The following PSMD13 variants were observed in gnomAD, a reference collection of about 807,000 sequenced individuals.
The protein encoded by PSMD13 is proteasome 26S subunit, non-ATPase 13.
A neutral mutation model predicts 57.4 loss-of-function variants in PSMD13; 8 were observed. The observed-to-expected ratio is 0.14, with a 90% CI of 0.08 to 0.25. PSMD13 has a LOEUF of 0.25. PSMD13 is among the 10% of genes least tolerant of loss of function. The pLI is 1.00. For missense variants in PSMD13, 400 were observed against 461.5 expected, an observed-to-expected ratio of 0.87 and a Z score of 1.22; for synonymous variants, 193 against 168.2, an observed-to-expected ratio of 1.15 and a Z score of -1.14.
Position 248,104 on chromosome 11 carries a change from A to C in PSMD13, c.568+656A>C, listed in dbSNP as rs368728602. The stretch of plus-strand genomic sequence containing the variant: ...CTGCTGCAGAATAAAGGGCACGTGA[A>C]ATCCCTGTAGCTGAGACCCTTGTTT... On this transcript the variant is annotated intron_variant, in intron 7 of 12. Transcript: ENST00000532097. The C allele has an allele frequency of 4.3e-3, 640 of 150,284 alleles. 49 individuals are homozygous for C. In the South Asian group the frequency reaches 0.13, roughly 30 times the overall value. 9.3% of individuals were successfully genotyped at this position (150,284 alleles called of 1,614,324 possible). A position where few individuals can be genotyped will look rare whatever the true frequency, so the allele number is the denominator to read the frequency against.
chr11:244,115 G>A (rs7128044), intron 3 of PSMD13, 40 bp downstream of exon 3: 1,192,256 of 1,542,030 alleles, frequency 0.77, 468,507 homozygotes, highest in African/African-American at 0.89. Flanking sequence ...GAAAATGAGT[G>A]CATTGATGCT....
rs750482552 is a variant in PSMD13, at chr11:247,445, C to A, written c.565C>A (p.Pro189Thr). The A allele has an allele frequency of 8.1e-6, 13 of 1,608,178 alleles. No homozygotes were observed. Among genetic ancestry groups the A allele is most frequent in the Non-Finnish European group, 1.1e-5 (13 of 1,176,518 alleles). ...FLGCVDIKDL[P>T]VSEQQERAFT... ...GGGCTGTGTTGACATCAAGGATCTACCAGGTAACCTAGGCCATTAAATCCA... is the reference window on the plus strand; with the variant it reads ...GGGCTGTGTTGACATCAAGGATCTAACAGGTAACCTAGGCCATTAAATCCA... Residue 189 changes from proline to threonine, a missense_variant, in exon 7 of 13, where the codon CCA becomes ACA. Pro to Thr is a conservative substitution (Grantham distance 38). Transcript: ENST00000532097.
In PSMD13 at chr11:248,937, G is replaced by A; in HGVS notation, c.654G>A (p.Met218Ile). 6.2e-7 allele frequency: 1 copy of A among 1,614,180 alleles called. No individual in the cohort carries two copies. The highest frequency in any genetic ancestry group is 8.5e-7 in the Non-Finnish European group (1 of 1,180,022). ...GACCATCTCCATCCTCACAGCTCAT[G>A]CACCCTGTGCTGGAGTCCCTGAGGA... ...EGVFNFGELL[M>I]HPVLESLRNT... is the part of the protein sequence containing the mutation. The change falls in exon 9 of 13, where the codon ATG becomes ATA. Residue 218 changes from methionine to isoleucine, a missense_variant. Physicochemically the swap from Met to Ile is conservative, Grantham distance 10. Coordinates refer to ENST00000532097, the MANE Select transcript of PSMD13 (RefSeq NM_002817.4).
rs1466502893 is a variant in PSMD13 at position 251,741 on chromosome 11, T to C, written c.919-79T>C. The C allele has an allele frequency of 1.3e-6, 2 of 1,537,826 alleles. No individual in the cohort carries two copies. Among genetic ancestry groups the C allele is most frequent in the Non-Finnish European group, 1.8e-6 (2 of 1,115,124 alleles). ...GTAAAAAATGACGGGAGGAGCGGCA[T>C]CTGCTTCTCACAAGCCATCTGGGTC... On this transcript the variant is annotated intron_variant, in intron 11 of 12. Coordinates refer to ENST00000532097, the MANE Select transcript of PSMD13 (RefSeq NM_002817.4). This position sits in a 1 kb window ranked among gnomAD's most constrained non-coding sequence, Gnocchi z 4.6.
intron 1 of PSMD13, among the ~76,000 whole-genome samples, chr11:238,449 T>C (rs1158943501): frequency 6.6e-6 from 1 of 152,216 alleles, no homozygotes; most frequent in Admixed American, 6.5e-5. Context: ...CACATCTGCT[T>C]TAGCATTCTT....
intron 9 of PSMD13, among the ~76,000 whole-genome samples, chr11:249,650 A>G (rs1006061374): frequency 6.7e-6 from 1 of 149,416 alleles, no homozygotes; most frequent in Admixed American, 6.6e-5. Flanking sequence ...GAGAACAGCC[A>G]ATTCACCTCA....
intron 2 of PSMD13, among the ~76,000 whole-genome samples, chr11:241,983 T>C (rs1223573304): frequency 6.6e-6 from 1 of 152,096 alleles, no homozygotes; most frequent in Non-Finnish European, 1.5e-5. Flanking sequence ...ACATGTTTGT[T>C]ACTGTCTGGA....
At chr11:244,254 A>G in intron 4 of PSMD13, 38 bp downstream of exon 4, 6 of 1,598,662 alleles carry the variant, frequency 3.8e-6, no homozygotes, top group Non-Finnish European at 4.3e-6. Context: ...GCAGATCCAA[A>G]TGGTGGTTAA....
chr11:243,813 A>C (rs912565990), intron 2 of PSMD13, among the ~76,000 whole-genome samples: 6 of 152,230 alleles, frequency 3.9e-5, no homozygotes, highest in Admixed American at 1.3e-4. Flanking sequence ...AAGAAACCTA[A>C]TATTCCTTAG....
chr11:239,125 C>T (rs1478579119), intron 2 of PSMD13, 49 bp downstream of exon 2: 1 of 1,486,084 alleles, frequency 6.7e-7, no homozygotes, highest in South Asian at 1.1e-5. Context: ...TGCTCAAGGA[C>T]TTTTGAAAAT....
chr11:244,726 C>G lies in PSMD13; in HGVS notation c.361C>G (p.Leu121Val), dbSNP rs1859594309. The G allele has an allele frequency of 6.2e-7, 1 of 1,613,632 alleles. No individual in the cohort carries two copies. The highest frequency in any genetic ancestry group is 1.7e-5 in the Admixed American group (1 of 59,950). ...CCTGTGTAAAACAGCAATTGGAGCT[C>G]TAAAATTAAACATCGGGGACCTACA... ...VILCKTAIGALKLNIGDLQVT... is the reference protein window; with the variant it reads ...VILCKTAIGAVKLNIGDLQVT... Residue 121 changes from leucine (L) to valine (V), a missense_variant, in exon 6 of 13, where the codon CTA (leucine) becomes GTA (valine). By Grantham distance (32) the Leu-to-Val change is conservative. Coordinates refer to ENST00000532097, the MANE Select transcript of PSMD13 (RefSeq NM_002817.4).
At chr11:250,498 T>C (rs559349310) in intron 9 of PSMD13, among the ~76,000 whole-genome samples, 1 of 152,292 alleles carries the variant, frequency 6.6e-6, no homozygotes, top group Admixed American at 6.5e-5. Context: ...GAGAGTCTTC[T>C]CGAAATGCCC....
chr11:246,300 A>C (rs1410119923), intron 6 of PSMD13, among the ~76,000 whole-genome samples: 2 of 152,100 alleles, frequency 1.3e-5, no homozygotes, highest in African/African-American at 2.4e-5. Context: ...TCAGGAGTTC[A>C]AGACCAACCC....
At chr11:244,099 C>G (rs1452527343) in intron 3 of PSMD13, 24 bp downstream of exon 3, 2 of 1,607,956 alleles carry the variant, frequency 1.2e-6, no homozygotes, top group East Asian at 4.5e-5. Flanking sequence ...ATCCGTTTTT[C>G]ACTTTGAAAA....
In PSMD13 at chr11:252,556, A is replaced by G. The variant is rs746014086; in HGVS notation, c.1087A>G (p.Met363Val). 6.2e-7 allele frequency: 1 copy of G among 1,614,136 alleles called. No homozygotes were observed. The highest frequency in any genetic ancestry group is 8.5e-7 in the Non-Finnish European group (1 of 1,179,998). The change falls in exon 13 of 13, where the codon ATG becomes GTG. Residue 363 changes from methionine to valine, a missense_variant. Met to Val is a conservative substitution (Grantham distance 21, BLOSUM62 1). Transcript: ENST00000532097. The surrounding 1 kb of genome is among the most constrained non-coding windows in gnomAD (Gnocchi z 4.1). The part of the protein sequence containing the change: ...LEFWCTDVKS[M>V]EMLVEHQAHD... ...GTTCTGGTGCACGGATGTGAAGAGC[A>G]TGGAGATGCTGGTGGAGCACCAGGC...
In PSMD13 at chr11:251,162, T is replaced by TC; in HGVS notation, c.837+298dup. The TC allele has an allele frequency of 2.1e-6, 1 of 465,186 alleles. No individual in the cohort carries two copies. The highest frequency in any genetic ancestry group is 3.9e-6 in the Non-Finnish European group (1 of 255,060). 28.8% of individuals were successfully genotyped at this position (465,186 alleles called of 1,614,324 possible). On this transcript the variant is annotated intron_variant, in intron 10 of 12. Coordinates refer to ENST00000532097, the MANE Select transcript of PSMD13 (RefSeq NM_002817.4). The surrounding 1 kb of genome is among the most constrained non-coding windows in gnomAD (Gnocchi z 4.6). ...CTCTCCCCGTGATGCAGTTGTTGCC[T>TC]CATTGCATGTCGCTTCTTGTGTACA...
chr11:242,515 G>A (rs988247599), intron 2 of PSMD13, among the ~76,000 whole-genome samples: 2 of 151,764 alleles, frequency 1.3e-5, no homozygotes, highest in Non-Finnish European at 2.9e-5. Flanking sequence ...TTATTGTACA[G>A]TCCATTGTCC....
chr11:243,165 T>C, intron 2 of PSMD13: 1 of 624,346 alleles, frequency 1.6e-6, no homozygotes, highest in East Asian at 3.1e-5. Flanking sequence ...ACCTCCTGTT[T>C]TTTTGTGTCC....
intron 2 of PSMD13, among the ~76,000 whole-genome samples, chr11:243,763 G>A (rs1859569827): frequency 6.6e-6 from 1 of 152,224 alleles, no homozygotes; most frequent in Admixed American, 6.5e-5. Flanking sequence ...GAATCTGTCT[G>A]GAGGTTCTTA....
Sources: allele counts gnomAD v4.1 joint callset (sites outside exome capture counted in the v4.1 genomes callset), GRCh38; gene constraint gnomAD v4.1.1; non-coding constraint Gnocchi (gnomAD v3.1); transcripts MANE v1.5; gene names NCBI Gene and HGNC (gene_info 2026-07-23, HGNC 2026-07-21).